CDKL3: variants seen among roughly 807,000 people sequenced by gnomAD.
CDKL3 encodes cyclin-dependent kinase-like 3.
CDKL3 carries 65 observed loss-of-function variants against 69.3 expected under a neutral mutation model. The observed-to-expected ratio is 0.94, with a 90% confidence interval of 0.77 to 1.15. The LOEUF (loss-of-function observed/expected upper bound fraction) is 1.15, where lower values mean the gene tolerates loss of function less well. Among genes scored for constraint, CDKL3 ranks in the 50% most tolerant of loss-of-function variants. The pLI is 0.00. For missense variants in CDKL3, 652 were observed against 689.2 expected (o/e 0.95, Z 0.61); for synonymous variants, 202 against 221.6 (o/e 0.91, Z 0.79).
intron 3 of CDKL3, among the ~76,000 whole-genome samples, chr5:134,355,836 T>C (rs904998223): frequency 1.3e-5 from 2 of 152,164 alleles, no homozygotes; most frequent in African/African-American, 4.8e-5. Flanking sequence ...TGTGGAGACA[T>C]GGCATGGTAG....
In CDKL3 at chr5:134,298,568, C is replaced by T; in HGVS notation, c.*83G>A. 1 of 1,542,288 alleles carries T rather than the reference C, an allele frequency of 6.5e-7. No individual in the cohort carries two copies. Among genetic ancestry groups the T allele is most frequent in the South Asian group, 1.3e-5 (1 of 77,658 alleles). On this transcript the variant is annotated 3_prime_UTR_variant, in exon 13 of 13. Transcript: ENST00000265334. ...ACATGGATGGCTGTCTTAACAACAA[C>T]TCACATCACACTTCTATTGTAGATA...
At chr5:134,290,353 C>CAAAA (rs1212709645) in intron 8 of CDKL3, among the ~76,000 whole-genome samples, 4 of 24,778 alleles carry the variant, frequency 1.6e-4, no homozygotes, top group African/African-American at 4.4e-4. Flanking sequence ...GACTCTGTCT[C>CAAAA]AAAAAAAAAA....
At chr5:134,306,191 G>A (rs1295498182) in intron 10 of CDKL3, among the ~76,000 whole-genome samples, 1 of 152,096 alleles carries the variant, frequency 6.6e-6, no homozygotes, top group Non-Finnish European at 1.5e-5. Context: ...GAAACTTAAA[G>A]CACATTTTTA....
chr5:134,303,678 C>A (rs564544089), intron 11 of CDKL3, among the ~76,000 whole-genome samples: 3 of 149,082 alleles, frequency 2.0e-5, no homozygotes, highest in Admixed American at 6.7e-5. Flanking sequence ...ACCCCCCCCC[C>A]GTCTCTACTA....
intron 4 of CDKL3, among the ~76,000 whole-genome samples, chr5:134,332,159 ATTTG>A (rs1775956070): frequency 6.6e-6 from 1 of 152,022 alleles, no homozygotes; most frequent in African/African-American, 2.4e-5. Context: ...TTTCTTGTAA[ATTTG>A]TTTAAGTTCT....
chr5:134,305,232 C>A (rs1767488703), intron 10 of CDKL3, among the ~76,000 whole-genome samples: 1 of 152,040 alleles, frequency 6.6e-6, no homozygotes, highest in South Asian at 2.1e-4. Flanking sequence ...CCATCTTAGC[C>A]CCCGAGTCTG....
chr5:134,318,630 C>A (rs1224038884), intron 6 of CDKL3, among the ~76,000 whole-genome samples: 1 of 152,058 alleles, frequency 6.6e-6, no homozygotes, highest in Admixed American at 6.6e-5. Context: ...GGACTACCAG[C>A]ACGTGCCACC....
At chr5:134,370,431 C>T (rs1329196251), upstream of CDKL3, among the ~76,000 whole-genome samples, 1 of 152,282 alleles carries the variant, frequency 6.6e-6, no homozygotes, top group African/African-American at 2.4e-5. Context: ...AGATATATAA[C>T]CCTCACTCAT....
chr5:134,286,363 CAACA>C (rs1421696298), downstream of CDKL3: 4 of 161,282 alleles, frequency 2.5e-5, no homozygotes, highest in African/African-American at 9.6e-5. Context: ...CAAAGCCATT[CAACA>C]AGTCTCTAGA....
chr5:134,360,279 A>G (rs952046055), intron 2 of CDKL3, among the ~76,000 whole-genome samples, 188 bp from the exon 3 acceptor site: 2 of 152,122 alleles, frequency 1.3e-5, no homozygotes, highest in African/African-American at 4.8e-5. Flanking sequence ...ATCTTGGCTC[A>G]GTGCAACCTC....
rs766097192 is a variant in CDKL3, at chr5:134,321,860, C to T, written c.583G>A (p.Ala195Thr). The change falls in exon 5 of 13, where the codon GCC (alanine) becomes ACC (threonine). Residue 195 changes from alanine (A) to threonine (T), a missense_variant. Transcript: ENST00000265334. Reference sequence around the variant, plus strand: ...CTAGGAAGATAGGGATTTCCAGTGGCCATCTCAATGATCATACAGCCCAAA... The same window carrying T: ...CTAGGAAGATAGGGATTTCCAGTGGTCATCTCAATGATCATACAGCCCAAA... ...WALGCMIIEMATGNPYLPSSS... is the reference protein window; with the variant it reads ...WALGCMIIEMTTGNPYLPSSS... 22 of 1,612,648 alleles carry T rather than the reference C, an allele frequency of 1.4e-5. No individual in the cohort carries two copies. Among genetic ancestry groups the T allele is most frequent in the Middle Eastern group, 3.3e-4 (2 of 6,060 alleles).
At chr5:134,302,092 G>A (rs540938155) in intron 12 of CDKL3, 1 of 452,350 alleles carries the variant, frequency 2.2e-6, no homozygotes, top group African/African-American at 2.0e-5. Context: ...AATAAAATTT[G>A]AGAATCTCTC....
intron 4 of CDKL3, among the ~76,000 whole-genome samples, chr5:134,332,202 CAGAT>C (rs1775963924): frequency 6.6e-6 from 1 of 152,080 alleles, no homozygotes; most frequent in South Asian, 2.1e-4. Flanking sequence ...AGCCCTTTGT[CAGAT>C]AGATAGATTG....
At chr5:134,296,782 TACACACACACAC>T (rs36097045), downstream of CDKL3, among the ~76,000 whole-genome samples, 67 of 141,588 alleles carry the variant, frequency 4.7e-4, no homozygotes, top group Non-Finnish European at 1.1e-4. Flanking sequence ...ACCCTGTCTC[TACACACACACAC>T]ACACACACAC....
At chr5:134,289,061 C>T (rs116369240) in intron 8 of CDKL3, among the ~76,000 whole-genome samples, 414 of 148,520 alleles carry the variant, frequency 2.8e-3, no homozygotes, top group African/African-American at 9.9e-3. Flanking sequence ...ATTCAGGAGG[C>T]TGAGGCAAGA....
At chr5:134,345,466 ACTCG>A (rs1751626900) in intron 4 of CDKL3, among the ~76,000 whole-genome samples, 1 of 152,098 alleles carries the variant, frequency 6.6e-6, no homozygotes, top group Non-Finnish European at 1.5e-5. Context: ...GGCACCTTTC[ACTCG>A]TGTCCGTGTG....
chr5:134,302,763 C>G lies in CDKL3; in HGVS notation c.1622-76G>C. 5.5e-6 allele frequency: 4 copies of G among 725,360 alleles called. No homozygotes were observed. In the South Asian group the frequency reaches 7.0e-5, roughly 13 times the overall value. 44.9% of individuals were successfully genotyped at this position (725,360 alleles called of 1,614,324 possible). A position where few individuals can be genotyped will look rare whatever the true frequency, so the allele number is the denominator to read the frequency against. On this transcript the variant is annotated intron_variant, in intron 11 of 12. Coordinates refer to ENST00000265334, the MANE Select transcript of CDKL3 (RefSeq NM_001113575.2). ...ATTTTACTTTCCTTTCCAAGAATTTCAAATAGAAATCCACTAAGTCAGTTT... is the reference window on the plus strand; with the variant it reads ...ATTTTACTTTCCTTTCCAAGAATTTGAAATAGAAATCCACTAAGTCAGTTT...
intron 4 of CDKL3, among the ~76,000 whole-genome samples, chr5:134,339,104 G>T (rs1335729378): frequency 6.6e-6 from 1 of 152,066 alleles, no homozygotes; most frequent in Non-Finnish European, 1.5e-5. Context: ...TAGTGAGGTA[G>T]TGAGCCAAGA....
upstream of CDKL3, among the ~76,000 whole-genome samples, chr5:134,369,298 A>G (rs1387089315): frequency 6.6e-6 from 1 of 152,202 alleles, no homozygotes; most frequent in African/African-American, 2.4e-5. Context: ...TTCCAAAACA[A>G]TTATAAATCC....
Sources: gnomAD v4.1 joint callset for allele counts (sites outside exome capture counted in the v4.1 genomes callset) on GRCh38, gnomAD v4.1.1 for gene constraint, MANE v1.5 for transcripts, NCBI Gene and HGNC (gene_info 2026-07-23, HGNC 2026-07-21) for gene names.